Variants in NTN4 observed in about 807,000 individuals in gnomAD.
NTN4 encodes the protein netrin-4.
Under a neutral mutation model 73.6 loss-of-function variants are expected in NTN4, and 32 were observed. The observed-to-expected ratio is 0.44, with a 90% CI of 0.33 to 0.58. The LOEUF (loss-of-function observed/expected upper bound fraction) is 0.58. Among genes scored for constraint, NTN4 ranks in the 20% least tolerant of loss-of-function variants. NTN4 has a pLI of 0.04. For synonymous variants in NTN4, 258 were observed against 287.5 expected (o/e 0.90, Z 1.04); for missense variants, 654 against 798.3 (o/e 0.82, Z 2.18).
Position 95,722,037 on chromosome 12 carries a change from G to A in NTN4, c.865-8699C>T, listed in dbSNP as rs569654727. 7.4e-4 allele frequency among the ~76,000 whole-genome samples: 112 copies of A among 151,070 alleles called. 1 individual carries two copies. In the Middle Eastern group the frequency reaches 0.014, roughly 19 times the overall value. ...TATATACACGGTGGGCACTGATTCC[G>A]AGACTGCTTAAAGTTGTGATTCAGT... On this transcript the variant is annotated intron_variant, in intron 3 of 9. Transcript: ENST00000343702.
At chr12:95,672,927 G>A in intron 7 of NTN4, 1 of 1,148,188 alleles carries the variant, frequency 8.7e-7, no homozygotes, top group Non-Finnish European at 1.3e-6. Flanking sequence ...TCATGGAGCT[G>A]AACCTGCTGA....
At position 95,713,311 on chromosome 12, in the gene NTN4, T is replaced by G. The variant is rs1056410311; in HGVS notation, c.892A>C (p.Asn298His). The change falls in exon 4 of 10, where the codon AAC (asparagine) becomes CAC (histidine). Residue 298 changes from asparagine (N) to histidine (H), a missense_variant. By Grantham distance (68) the Asn-to-His change is moderately conservative. Coordinates refer to ENST00000343702, the MANE Select transcript of NTN4 (RefSeq NM_021229.4). ...MVHGKCMCKH[N>H]TAGSHCQHCA... ...TGCTGGCAGTGGCTGCCTGCTGTGT[T>G]GTGCTTACACATACACTTCCCATGG... The G allele has an allele frequency of 3.7e-6, 6 of 1,609,526 alleles. No homozygotes were observed. Among genetic ancestry groups the G allele is most frequent in the Non-Finnish European group, 5.1e-6 (6 of 1,176,452 alleles).
chr12:95,675,904 A>G (rs961176228), intron 7 of NTN4, among the ~76,000 whole-genome samples: 1 of 152,158 alleles, frequency 6.6e-6, no homozygotes, highest in African/African-American at 2.4e-5. Context: ...CCACGTACAC[A>G]AAACTCCAAA....
At chr12:95,684,385 A>G (rs1247018165) in intron 5 of NTN4, among the ~76,000 whole-genome samples, 2 of 151,778 alleles carry the variant, frequency 1.3e-5, no homozygotes, top group African/African-American at 2.4e-5. Context: ...TGCAGCCTCA[A>G]CTTCTTGAGC....
At chr12:95,716,147 A>G (rs1466045557) in intron 3 of NTN4, among the ~76,000 whole-genome samples, 1 of 152,086 alleles carries the variant, frequency 6.6e-6, no homozygotes, top group East Asian at 1.9e-4. Context: ...AATCTGATAG[A>G]ATTGGAGTCA....
At chr12:95,664,623 G>GTT (rs11396133) in intron 9 of NTN4, among the ~76,000 whole-genome samples, 2 of 151,164 alleles carry the variant, frequency 1.3e-5, no homozygotes, top group Non-Finnish European at 2.9e-5. Flanking sequence ...AAAAGACTTT[G>GTT]TTTTTTTGAG....
In NTN4 at chr12:95,737,081, A is replaced by G. The variant is rs553774727; in HGVS notation, c.864+785T>C. On this transcript the variant is annotated intron_variant, in intron 3 of 9. Transcript: ENST00000343702. ...TTCTCCTTGCCCAATCCCCATCCAT[A>G]GTCTCTGGATGTGTCCCAACAAGGT... Among the ~76,000 whole-genome samples the G allele has an allele frequency of 7.9e-5, 12 of 152,270 alleles. No individual in the cohort carries two copies. The East Asian group carries it at 2.1e-3, about 27-fold the overall frequency.
In NTN4 at chr12:95,683,624, T is replaced by C; in HGVS notation, c.1268A>G (p.Lys423Arg). 6.2e-7 allele frequency: 1 copy of C among 1,614,128 alleles called. No individual in the cohort carries two copies. The highest frequency in any genetic ancestry group is 1.1e-5 in the South Asian group (1 of 91,086). ...ACAACGTCGCCCTGCCACCCCAGGCTTGCAAGGGCAGTCACCATTGCTGGG... is the reference window on the plus strand; with the variant it reads ...ACAACGTCGCCCTGCCACCCCAGGCCTGCAAGGGCAGTCACCATTGCTGGG... ...CDPSNGDCPC[K>R]PGVAGRRCDR... is the part of the protein sequence containing the mutation. The change falls in exon 6 of 10, where the codon AAG becomes AGG. Residue 423 changes from lysine (K) to arginine (R), a missense_variant. Transcript: ENST00000343702.
At chr12:95,687,383 A>T (rs183821377) in intron 5 of NTN4, among the ~76,000 whole-genome samples, 2,213 of 147,798 alleles carry the variant, frequency 0.015, 25 homozygotes, top group Non-Finnish European at 0.024. Context: ...GGTGAAAAAA[A>T]ATTTTTTTTT....
rs912488504 is a variant in NTN4 at position 95,790,390 on chromosome 12, C to T, written c.-81G>A. On this transcript the variant is annotated 5_prime_UTR_variant, in exon 1 of 10. Coordinates refer to ENST00000343702, the MANE Select transcript of NTN4 (RefSeq NM_021229.4). This position sits in a 1 kb window ranked among gnomAD's most constrained non-coding sequence, Gnocchi z 6.5. ...CTCTGGGCTGCGGGATGAAGCGCCG[C>T]CGTCCTCGGGAGGGAACGGGGCCCT... The T allele has an allele frequency of 1.0e-4, 125 of 1,255,420 alleles. 1 individual carries two copies. In the Middle Eastern group the frequency reaches 1.1e-3, roughly 11 times the overall value. The allele number at this position is 1,255,420 out of a possible 1,614,324, so 77.8% of individuals were successfully genotyped here.
intron 5 of NTN4, among the ~76,000 whole-genome samples, chr12:95,694,854 T>C (rs1368719224): frequency 3.3e-5 from 5 of 152,108 alleles, no homozygotes; most frequent in African/African-American, 4.8e-5. Flanking sequence ...TGGCCAGGCA[T>C]GGTGGCTCAT....
intron 3 of NTN4, among the ~76,000 whole-genome samples, chr12:95,729,885 T>G (rs1395111938): frequency 1.3e-5 from 2 of 152,194 alleles, no homozygotes; most frequent in Non-Finnish European, 2.9e-5. Flanking sequence ...ACCTCAGCTT[T>G]TCTCTTTCCA....
At chr12:95,748,890 A>G (rs1304099142) in intron 2 of NTN4, among the ~76,000 whole-genome samples, 1 of 152,246 alleles carries the variant, frequency 6.6e-6, no homozygotes, top group African/African-American at 2.4e-5. Flanking sequence ...AAGCCAAGCC[A>G]TCGCATCCCC....
At chr12:95,679,884 T>A (rs578124207) in intron 7 of NTN4, among the ~76,000 whole-genome samples, 1 of 152,160 alleles carries the variant, frequency 6.6e-6, no homozygotes, top group Non-Finnish European at 1.5e-5. Flanking sequence ...CCAGCCACAC[T>A]GGCCTTCTTG....
intron 7 of NTN4, chr12:95,672,684 G>A (rs1322465409): frequency 3.4e-6 from 5 of 1,458,492 alleles, no homozygotes; most frequent in Non-Finnish European, 1.9e-6. Context: ...CCCTGCTGGA[G>A]CCTGACCATC....
In NTN4 at chr12:95,724,235, G is replaced by A. The variant is rs12227423; in HGVS notation, c.865-10897C>T. On this transcript the variant is annotated intron_variant, in intron 3 of 9. Transcript: ENST00000343702. ...TGCAAATAGCATTAGACTAAGAATT[G>A]TAATGCCCAGGAGGCTTAAGAAGAT... Among the ~76,000 whole-genome samples the A allele has an allele frequency of 4.5e-4, 68 of 152,298 alleles. No homozygotes were observed. In the East Asian group the frequency reaches 0.013, roughly 29 times the overall value.
chr12:95,711,954 T>C (rs2078567451), intron 4 of NTN4, among the ~76,000 whole-genome samples: 2 of 152,240 alleles, frequency 1.3e-5, no homozygotes. Flanking sequence ...ACCAGATTCA[T>C]ATCTTTTAAA....
chr12:95,717,096 C>A (rs1341495313), intron 3 of NTN4, among the ~76,000 whole-genome samples: 2 of 152,118 alleles, frequency 1.3e-5, no homozygotes, highest in South Asian at 4.1e-4. Flanking sequence ...AGGCATGAGC[C>A]CCTATGCCTG....
intron 5 of NTN4, among the ~76,000 whole-genome samples, chr12:95,702,308 G>GAAAAAAAAAAAAAAAAAAAAAAAAAAA (rs558357623): frequency 1.7e-5 from 2 of 118,494 alleles, no homozygotes; most frequent in Non-Finnish European, 1.8e-5. Flanking sequence ...CAAAAAAAAA[G>GAAAAAAAAAAAAAAAAAAAAAAAAAAA]AAAAAAAAAA....
Sources: gnomAD v4.1 joint callset for allele counts (sites outside exome capture counted in the v4.1 genomes callset) on GRCh38, gnomAD v4.1.1 for gene constraint, Gnocchi (gnomAD v3.1) non-coding constraint, MANE v1.5 for transcripts, NCBI Gene and HGNC (gene_info 2026-07-23, HGNC 2026-07-21) for gene names.